APOLD1: variants seen among roughly 807,000 people sequenced by gnomAD.
APOLD1 encodes the protein apolipoprotein L domain containing 1, also known as apolipoprotein L domain-containing protein 1.
Under a neutral mutation model 15.3 loss-of-function variants are expected in APOLD1, and 22 were observed. The ratio of observed to expected loss-of-function variants is 1.44; its 90% CI spans 1.03 to 2.05. The LOEUF (loss-of-function observed/expected upper bound fraction) is 2.05. Among genes scored for constraint, APOLD1 ranks in the 30% most tolerant of loss-of-function variants. APOLD1 has a pLI of 0.00. For synonymous variants in APOLD1, 190 were observed against 167.4 expected (o/e 1.13, Z -1.04); for missense variants, 394 against 353.5 (o/e 1.11, Z -0.92).
At chr12:12,781,781 C>T (rs545335217), upstream of APOLD1, among the ~76,000 whole-genome samples, 3 of 151,434 alleles carry the variant, frequency 2.0e-5, no homozygotes, top group South Asian at 4.2e-4. Context: ...CCTGCCTCGG[C>T]CTCCCAAAGT....
chr12:12,728,854 G>A (rs944558885), intron 1 of APOLD1, among the ~76,000 whole-genome samples: 1 of 152,150 alleles, frequency 6.6e-6, no homozygotes, highest in Non-Finnish European at 1.5e-5. Flanking sequence ...AGAGCAGTAT[G>A]CTCATTCTAA....
intron 1 of APOLD1, among the ~76,000 whole-genome samples, chr12:12,760,456 G>A (rs564080198): frequency 6.6e-6 from 1 of 152,162 alleles, no homozygotes; most frequent in East Asian, 1.9e-4. Context: ...TGCCCAACAT[G>A]TCAAAACCCC....
chr12:12,736,211 C>T (rs974739358), intron 1 of APOLD1, among the ~76,000 whole-genome samples: 2 of 151,812 alleles, frequency 1.3e-5, no homozygotes, highest in Admixed American at 6.6e-5. Context: ...ATTAGGTGAG[C>T]GTGGTGGTGT....
In APOLD1 at chr12:12,756,083, T is replaced by A. The variant is rs1439902607; in HGVS notation, c.96+29987T>A. Among the ~76,000 whole-genome samples, 3 of 152,202 alleles carry A rather than the reference T, an allele frequency of 2.0e-5. No individual in the cohort carries two copies. The South Asian group carries it at 6.2e-4, about 32-fold the overall frequency. Reference sequence around the variant, plus strand: ...AAGTCTGGTAGCAACTGGGAGACTCTGAGTGGAGAGAAGTGAAAAGATCCA... The same window carrying A: ...AAGTCTGGTAGCAACTGGGAGACTCAGAGTGGAGAGAAGTGAAAAGATCCA... On this transcript the variant is annotated intron_variant, in intron 1 of 1. Transcript: ENST00000326765.
At chr12:12,737,255 G>GAGAC (rs1424466769) in intron 1 of APOLD1, among the ~76,000 whole-genome samples, 1 of 151,624 alleles carries the variant, frequency 6.6e-6, no homozygotes, top group East Asian at 1.9e-4. Flanking sequence ...TAATAAAAGA[G>GAGAC]AGACCTCTGC....
At chr12:12,764,305 C>T (rs1946927399) in intron 1 of APOLD1, among the ~76,000 whole-genome samples, 1 of 152,158 alleles carries the variant, frequency 6.6e-6, no homozygotes, top group Admixed American at 6.6e-5. Flanking sequence ...TACAAAAGAT[C>T]TGTTGAATGT....
chr12:12,732,761 A>G (rs1476657121), intron 1 of APOLD1, among the ~76,000 whole-genome samples: 1 of 151,966 alleles, frequency 6.6e-6, no homozygotes, highest in Non-Finnish European at 1.5e-5. Flanking sequence ...GAAAAAAGAA[A>G]AAGAAAAAGC....
chr12:12,756,935 C>A (rs550834731), intron 1 of APOLD1, among the ~76,000 whole-genome samples: 1 of 152,240 alleles, frequency 6.6e-6, no homozygotes, highest in African/African-American at 2.4e-5. Flanking sequence ...TACAGGCGCC[C>A]ACCACCAGGG....
chr12:12,780,011 A>G (rs1222304901), intron 1 of APOLD1, among the ~76,000 whole-genome samples: 1 of 152,128 alleles, frequency 6.6e-6, no homozygotes, highest in East Asian at 1.9e-4. Context: ...CTTCTGCAGA[A>G]TAAGTATTCT....
chr12:12,736,486 C>T (rs1416957237), intron 1 of APOLD1, among the ~76,000 whole-genome samples: 1 of 151,966 alleles, frequency 6.6e-6, no homozygotes, highest in African/African-American at 2.4e-5. Context: ...ATGATCACGC[C>T]ACTGCACTCC....
intron 1 of APOLD1, among the ~76,000 whole-genome samples, chr12:12,768,733 G>A (rs1006667426): frequency 6.6e-6 from 1 of 151,112 alleles, no homozygotes; most frequent in Non-Finnish European, 1.5e-5. Flanking sequence ...CACAGACTTA[G>A]GACTCAAACT....
intron 1 of APOLD1, 52 bp from the exon 2 acceptor site, chr12:12,786,857 G>A: frequency 7.4e-7 from 1 of 1,359,350 alleles, no homozygotes. Context: ...CAGGGCGGGA[G>A]CGGCGGCTGG....
At chr12:12,746,178 G>A (rs1946763311) in intron 1 of APOLD1, among the ~76,000 whole-genome samples, 1 of 151,928 alleles carries the variant, frequency 6.6e-6, no homozygotes, top group Non-Finnish European at 1.5e-5. Context: ...GTATGTCTCT[G>A]TAGTTGAGAA....
intron 1 of APOLD1, among the ~76,000 whole-genome samples, chr12:12,761,859 A>AGAGAGAGAGAGT (rs1281526673): frequency 6.8e-6 from 1 of 146,380 alleles, no homozygotes; most frequent in Admixed American, 6.7e-5. Flanking sequence ...AGAGAGAGAG[A>AGAGAGAGAGAGT]GAGTCTTGCT....
chr12:12,777,777 G>C (rs1424786253), intron 1 of APOLD1, among the ~76,000 whole-genome samples: 2 of 151,962 alleles, frequency 1.3e-5, no homozygotes, highest in Non-Finnish European at 2.9e-5. Flanking sequence ...CTCAACCTGT[G>C]TATCCAGATG....
At chr12:12,766,189 C>A (rs1946941695) in intron 1 of APOLD1, among the ~76,000 whole-genome samples, 1 of 152,170 alleles carries the variant, frequency 6.6e-6, no homozygotes, top group South Asian at 2.1e-4. Flanking sequence ...TTCCATATTT[C>A]AGTTCCAGTC....
chr12:12,749,326 A>G (rs1946789234), intron 1 of APOLD1, among the ~76,000 whole-genome samples: 1 of 152,140 alleles, frequency 6.6e-6, no homozygotes, highest in Non-Finnish European at 1.5e-5. Flanking sequence ...TAGGGTCTGG[A>G]AACAGGGAAC....
Position 12,746,444 on chromosome 12 carries a change from C to T in APOLD1, c.96+20348C>T, listed in dbSNP as rs535489371. On this transcript the variant is annotated intron_variant, in intron 1 of 1. Coordinates refer to the APOLD1 transcript ENST00000326765. ...CTGGGAGACGGAGGTTGCAGTGAGCCGAGATCGCACCACTGCACTCCAGCC... is the reference window on the plus strand; with the variant it reads ...CTGGGAGACGGAGGTTGCAGTGAGCTGAGATCGCACCACTGCACTCCAGCC... Among the ~76,000 whole-genome samples the T allele has an allele frequency of 8.5e-3, 1,300 of 152,056 alleles. 13 individuals carry two copies. Among genetic ancestry groups the T allele is most frequent in the Non-Finnish European group, 0.014 (958 of 67,982 alleles).
chr12:12,786,873 A>G, intron 1 of APOLD1, 36 bp from the exon 2 acceptor site: 1 of 1,382,738 alleles, frequency 7.2e-7, no homozygotes, highest in Non-Finnish European at 9.3e-7. Context: ...GCTGGCACGG[A>G]GACTCCAGGC....
Sources: allele counts gnomAD v4.1 joint callset (sites outside exome capture counted in the v4.1 genomes callset), GRCh38; gene constraint gnomAD v4.1.1; transcripts MANE v1.5; gene names NCBI Gene and HGNC (gene_info 2026-07-23, HGNC 2026-07-21).